The following PIWIL1 variants were observed in gnomAD, a reference collection of about 807,000 sequenced individuals.
The protein encoded by PIWIL1 is piwi like RNA-mediated gene silencing 1, also known as piwi-like protein 1.
In PIWIL1, 73 loss-of-function variants were observed where a neutral mutation model predicts 114.4. The ratio of observed to expected loss-of-function variants is 0.64; its 90% CI spans 0.53 to 0.78. The LOEUF is 0.78. Ranked by LOEUF, PIWIL1 falls within the 30% of genes least tolerant of loss-of-function variation. The pLI, the probability that PIWIL1 is intolerant of heterozygous loss-of-function variation, is 0.00. For missense variants in PIWIL1, 723 were observed against 1,063.1 expected (o/e 0.68, Z 4.45); for synonymous variants, 375 against 369.0 (o/e 1.02, Z -0.19).
intron 14 of PIWIL1, among the ~76,000 whole-genome samples, chr12:130,360,459 C>A (rs187614586): frequency 6.6e-6 from 1 of 152,146 alleles, no homozygotes; most frequent in African/African-American, 2.4e-5. Context: ...ACAATGAAAC[C>A]CCATCTCTAC....
chr12:130,371,074 A>G (rs2073804575), intron 19 of PIWIL1, 102 bp from the exon 20 acceptor site: 6 of 931,864 alleles, frequency 6.4e-6, no homozygotes, highest in Admixed American at 1.9e-5. Context: ...AGGTTACTGT[A>G]GTAACTTACA....
intron 3 of PIWIL1, 42 bp downstream of exon 3, chr12:130,343,143 C>A: frequency 7.5e-7 from 1 of 1,332,772 alleles, no homozygotes; most frequent in South Asian, 1.3e-5. Flanking sequence ...CTCTGTTCAA[C>A]ATATACAGCA....
the PIWIL1 span, among the ~76,000 whole-genome samples, chr12:130,409,978 T>C: frequency 6.6e-6 from 1 of 152,246 alleles, no homozygotes; most frequent in Non-Finnish European, 1.5e-5. Context: ...GCGAACTGTT[T>C]TGCAGAGCGG....
chr12:130,364,512 A>G (rs2073601910), intron 18 of PIWIL1, among the ~76,000 whole-genome samples: 1 of 152,254 alleles, frequency 6.6e-6, no homozygotes, highest in Admixed American at 6.5e-5. Flanking sequence ...AGAGAAAGTC[A>G]GGAGTGTTTT....
intron 9 of PIWIL1, among the ~76,000 whole-genome samples, chr12:130,354,206 C>T (rs1165724296): frequency 2.0e-5 from 3 of 152,062 alleles, no homozygotes; most frequent in Non-Finnish European, 4.4e-5. Context: ...GGTGAAGTTG[C>T]AGAGTTACAC....
chr12:130,377,366 G>C (rs994825794), downstream of PIWIL1, among the ~76,000 whole-genome samples: 1 of 152,116 alleles, frequency 6.6e-6, no homozygotes, highest in Admixed American at 6.5e-5. Flanking sequence ...TTGATCCTTG[G>C]GTGCACATGG....
chr12:130,358,544 G>T (rs1329950840), intron 14 of PIWIL1, among the ~76,000 whole-genome samples: 3 of 151,990 alleles, frequency 2.0e-5, no homozygotes, highest in Non-Finnish European at 2.9e-5. Flanking sequence ...GTCATGCCCG[G>T]CCCCTCCCTA....
At chr12:130,410,343 C>T in the PIWIL1 span, among the ~76,000 whole-genome samples, 2 of 152,200 alleles carry the variant, frequency 1.3e-5, no homozygotes, top group Non-Finnish European at 2.9e-5. Context: ...TTTTATTCTG[C>T]ACTTTTTAAG....
chr12:130,383,080 A>G, the PIWIL1 span, among the ~76,000 whole-genome samples: 1 of 152,224 alleles, frequency 6.6e-6, no homozygotes, highest in African/African-American at 2.4e-5. Flanking sequence ...GCTTTTATAT[A>G]TCAAGTCTTT....
At chr12:130,413,208 G>A in the PIWIL1 span, among the ~76,000 whole-genome samples, 53 of 152,292 alleles carry the variant, frequency 3.5e-4, no homozygotes, top group African/African-American at 8.4e-4. Context: ...CAGGCATTCC[G>A]ACCGTTCTCA....
At chr12:130,342,176 G>A (rs1002372441) in intron 1 of PIWIL1, 83 of 183,362 alleles carry the variant, frequency 4.5e-4, no homozygotes, top group African/African-American at 1.9e-3. Flanking sequence ...GTGTGTGTGT[G>A]TGTGTGTGTG....
chr12:130,407,022 CAG>C, the PIWIL1 span, among the ~76,000 whole-genome samples: 49 of 152,242 alleles, frequency 3.2e-4, no homozygotes, highest in Non-Finnish European at 6.5e-4. Context: ...CCACTGCCCT[CAG>C]GGGTCCAACT....
At chr12:130,352,917 G>A (rs1332147099) in intron 9 of PIWIL1, among the ~76,000 whole-genome samples, 1 of 152,136 alleles carries the variant, frequency 6.6e-6, no homozygotes, top group African/African-American at 2.4e-5. Context: ...GATAAAATAG[G>A]TAGTATAGCT....
rs528260052 is a variant in PIWIL1, at chr12:130,358,913, G to T, written c.1665+1360G>T. ...CTATGGCCTGTCGTTGTTCACCATGGTGTGCTTTAGGCGTGGTCAGGCTGC... is the reference window on the plus strand; with the variant it reads ...CTATGGCCTGTCGTTGTTCACCATGTTGTGCTTTAGGCGTGGTCAGGCTGC... On this transcript the variant is annotated intron_variant, in intron 14 of 20. Transcript: ENST00000245255. Among the ~76,000 whole-genome samples, 16 of 152,170 alleles carry T rather than the reference G, an allele frequency of 1.1e-4. No individual in the cohort carries two copies. In the South Asian group the frequency reaches 3.3e-3, roughly 32 times the overall value.
the PIWIL1 span, among the ~76,000 whole-genome samples, chr12:130,388,696 T>G: frequency 6.6e-6 from 1 of 152,164 alleles, no homozygotes; most frequent in Non-Finnish European, 1.5e-5. Context: ...CCTAAGTGCT[T>G]TTAGAGTTGC....
chr12:130,346,933 G>C lies in PIWIL1; in HGVS notation c.532-8G>C, dbSNP rs764126991. ...TAAAGTTTGGGTTTTCCACCTCTCT[G>C]GCTTCAGGTTACTGAAGTTTTTAGT... On this transcript the variant is annotated splice_region_variant and splice_polypyrimidine_tract_variant and intron_variant, in intron 5 of 20. Transcript: ENST00000245255. 1 of 1,610,574 alleles carries C rather than the reference G, an allele frequency of 6.2e-7. No individual in the cohort carries two copies. The highest frequency in any genetic ancestry group is 1.1e-5 in the South Asian group (1 of 89,746).
Position 130,371,189 on chromosome 12 carries a change from A to T in PIWIL1, c.2335A>T (p.Ile779Phe), listed in dbSNP as rs757401416. 1 of 1,613,950 alleles carries T rather than the reference A, an allele frequency of 6.2e-7. No individual in the cohort carries two copies. The highest frequency in any genetic ancestry group is 8.5e-7 in the Non-Finnish European group (1 of 1,179,970). ...CTGTAATTCCAGGTATGACTTTTTTATCGTGAGCCAGGCTGTGAGAAGTGG... is the reference window on the plus strand; with the variant it reads ...CTGTAATTCCAGGTATGACTTTTTTTTCGTGAGCCAGGCTGTGAGAAGTGG... ...VTRPEWYDFF[I>F]VSQAVRSGSV... is the part of the protein sequence containing the mutation. The change falls in exon 20 of 21, where the codon ATC (isoleucine) becomes TTC (phenylalanine). Residue 779 changes from isoleucine to phenylalanine, a missense_variant. By Grantham distance (21) the Ile-to-Phe change is conservative. Around this residue, in one of 8 missense-constraint regions of PIWIL1, gnomAD observed 106 missense variants for 182.8 expected, o/e 0.58. Transcript: ENST00000245255.
intron 14 of PIWIL1, among the ~76,000 whole-genome samples, chr12:130,360,843 A>G: frequency 6.6e-6 from 1 of 152,210 alleles, no homozygotes; most frequent in Admixed American, 6.5e-5. Flanking sequence ...AGACTGTGGG[A>G]AATCTTTAAT....
the PIWIL1 span, among the ~76,000 whole-genome samples, chr12:130,392,442 T>C: frequency 0.48 from 3,135 of 6,534 alleles, 916 homozygotes; most frequent in Middle Eastern, 0.6. Flanking sequence ...ATCACGTGTC[T>C]GTCAGTTACC....
Sources: gnomAD v4.1 joint callset for allele counts (sites outside exome capture counted in the v4.1 genomes callset) on GRCh38, gnomAD v4.1.1 for gene constraint, gnomAD v4.1.1 regional missense constraint, MANE v1.5 for transcripts, NCBI Gene and HGNC (gene_info 2026-07-23, HGNC 2026-07-21) for gene names.